The following GNG5 variants were observed in gnomAD, a reference collection of about 807,000 sequenced individuals.
GNG5 encodes guanine nucleotide-binding protein G(I)/G(S)/G(O) subunit gamma-5.
In GNG5, 2 loss-of-function variants were observed where a neutral mutation model predicts 6.2. The observed-to-expected ratio is 0.32, with a 90% CI of 0.13 to 1.01. The LOEUF (loss-of-function observed/expected upper bound fraction) is 1.01, where lower values mean the gene tolerates loss of function less well. Among genes scored for constraint, GNG5 ranks in the 50% least tolerant of loss-of-function variants. The pLI, the probability that GNG5 is intolerant of heterozygous loss-of-function variation, is 0.48. For missense variants in GNG5, 57 were observed against 80.2 expected (o/e 0.71, Z 1.10); for synonymous variants, 24 against 33.0 (o/e 0.73, Z 0.93).
Position 84,506,151 on chromosome 1 carries a change from G to A in GNG5, c.-60C>T, listed in dbSNP as rs1174909951. On this transcript the variant is annotated 5_prime_UTR_variant, in exon 2 of 4. Coordinates refer to ENST00000370645, the MANE Select transcript of GNG5 (RefSeq NM_005274.3). ...GTGGGTCGTGGGCCGTGGGTCGGCG[G>A]GGCCAGACAACTCAGCGGCGCGCGG... 2 of 1,426,438 alleles carry A rather than the reference G, an allele frequency of 1.4e-6. No individual in the cohort carries two copies. Among genetic ancestry groups the A allele is most frequent in the African/African-American group, 1.5e-5 (1 of 67,620 alleles). The allele number at this position is 1,426,438 out of a possible 1,614,324, so 88.4% of individuals were successfully genotyped here. A position where few individuals can be genotyped will look rare whatever the true frequency, so the allele number is the denominator to read the frequency against.
intron 2 of GNG5, among the ~76,000 whole-genome samples, 178 bp from the exon 3 acceptor site, chr1:84,502,148 T>A (rs533748673): frequency 1.4e-5 from 2 of 148,104 alleles, no homozygotes; most frequent in East Asian, 3.9e-4. Flanking sequence ...TTTTTTTTTT[T>A]TTTTTTTGAG....
chr1:84,500,588 G>GA (rs1291643428), intron 3 of GNG5, among the ~76,000 whole-genome samples: 1 of 152,094 alleles, frequency 6.6e-6, no homozygotes, highest in Admixed American at 6.5e-5. Flanking sequence ...AGAATTAAAT[G>GA]AATAGTACCA....
At position 84,506,108 on chromosome 1, in the gene GNG5, G is replaced by A. The variant is rs748173967; in HGVS notation, c.-17C>T. The A allele has an allele frequency of 3.8e-6, 6 of 1,568,932 alleles. No homozygotes were observed. The highest frequency in any genetic ancestry group is 4.3e-6 in the Non-Finnish European group (5 of 1,158,732). On this transcript the variant is annotated 5_prime_UTR_variant, in exon 2 of 4. Transcript: ENST00000370645. ...GCCAGACATGGTGCACGCGACGGCC[G>A]GGCCGATTCGTGGGTCGGTGGGTCG...
chr1:84,505,570 C>A (rs569422957), intron 2 of GNG5, among the ~76,000 whole-genome samples: 76 of 152,316 alleles, frequency 5.0e-4, no homozygotes, highest in Non-Finnish European at 9.7e-4. Flanking sequence ...TGGGAAAGAT[C>A]AAATGGGAGA....
At position 84,506,178 on chromosome 1, in the gene GNG5, G is replaced by T; in HGVS notation, c.-87C>A. The stretch of plus-strand genomic sequence containing the variant: ...GCCAGACAACTCAGCGGCGCGCGGC[G>T]GGGGCGGGGCTCCGAACTTTGTCTC... On this transcript the variant is annotated 5_prime_UTR_variant, in exon 2 of 4. Transcript: ENST00000370645. 9.2e-7 allele frequency: 1 copy of T among 1,088,160 alleles called. No homozygotes were observed. Among genetic ancestry groups the T allele is most frequent in the Non-Finnish European group, 1.3e-6 (1 of 777,908 alleles). 67.4% of individuals were successfully genotyped at this position (1,088,160 alleles called of 1,614,324 possible).
intron 3 of GNG5, among the ~76,000 whole-genome samples, chr1:84,499,544 T>C (rs1682010300): frequency 6.6e-6 from 1 of 152,222 alleles, no homozygotes; most frequent in African/African-American, 2.4e-5. Context: ...TTTTGGAAAC[T>C]TAAATATTCA....
At chr1:84,500,123 A>G (rs189346736) in intron 3 of GNG5, among the ~76,000 whole-genome samples, 1 of 152,332 alleles carries the variant, frequency 6.6e-6, no homozygotes, top group Non-Finnish European at 1.5e-5. Flanking sequence ...CATGCCACTC[A>G]GTGTAGGTCC....
intron 2 of GNG5, 39 bp downstream of exon 2, chr1:84,505,972 G>T: frequency 7.5e-7 from 1 of 1,332,206 alleles, no homozygotes. Context: ...ACCCGCCGCC[G>T]CCGCCTTCCT....
At chr1:84,499,257 CTG>C (rs1558550034) in intron 3 of GNG5, among the ~76,000 whole-genome samples, 2 of 152,082 alleles carry the variant, frequency 1.3e-5, no homozygotes, top group African/African-American at 2.4e-5. Context: ...CTGAGATAGT[CTG>C]TGACAAAAAT....
chr1:84,505,954 C>T (rs1682195856), intron 2 of GNG5, 57 bp downstream of exon 2: 14 of 1,265,674 alleles, frequency 1.1e-5, no homozygotes, highest in Non-Finnish European at 1.5e-5. Flanking sequence ...GCTGGGCCGC[C>T]GGATCCCACC....
chr1:84,506,162 C>G lies in GNG5; in HGVS notation c.-71G>C. Reference sequence around the variant, plus strand: ...GCCGTGGGTCGGCGGGGCCAGACAACTCAGCGGCGCGCGGCGGGGGCGGGG... The same window carrying G: ...GCCGTGGGTCGGCGGGGCCAGACAAGTCAGCGGCGCGCGGCGGGGGCGGGG... On this transcript the variant is annotated 5_prime_UTR_variant, in exon 2 of 4. Coordinates refer to ENST00000370645, the MANE Select transcript of GNG5 (RefSeq NM_005274.3). 7 of 1,283,774 alleles carry G rather than the reference C, an allele frequency of 5.5e-6. No homozygotes were observed. The highest frequency in any genetic ancestry group is 7.5e-6 in the Non-Finnish European group (7 of 937,534). 79.5% of individuals were successfully genotyped at this position (1,283,774 alleles called of 1,614,324 possible).
chr1:84,504,217 T>C (rs1682111456), intron 2 of GNG5, among the ~76,000 whole-genome samples: 1 of 152,244 alleles, frequency 6.6e-6, no homozygotes, highest in African/African-American at 2.4e-5. Context: ...AGCCCAGTCA[T>C]TGATAAAACA....
chr1:84,506,377 TTAAG>T (rs1395264740), intron 1 of GNG5, 55 bp downstream of exon 1: 3 of 294,048 alleles, frequency 1.0e-5, no homozygotes, highest in Non-Finnish European at 1.9e-5. Context: ...GACCCGACTC[TTAAG>T]TTTTCTTTTC....
chr1:84,503,167 G>A (rs2101891964), intron 2 of GNG5, among the ~76,000 whole-genome samples: 1 of 152,300 alleles, frequency 6.6e-6, no homozygotes, highest in South Asian at 2.1e-4. Context: ...ACTAAAACAT[G>A]CCCCAAATGC....
chr1:84,506,375 TCTTAA>T, intron 1 of GNG5, 56 bp downstream of exon 1: 1 of 304,040 alleles, frequency 3.3e-6, no homozygotes, highest in South Asian at 5.6e-5. Flanking sequence ...GCGACCCGAC[TCTTAA>T]GTTTTCTTTT....
At chr1:84,502,132 C>CTTTTTTT (rs140132840) in intron 2 of GNG5, among the ~76,000 whole-genome samples, 162 bp from the exon 3 acceptor site, 9 of 102,086 alleles carry the variant, frequency 8.8e-5, no homozygotes, top group Non-Finnish European at 1.7e-4. Context: ...ATAGTGAGCT[C>CTTTTTTT]TTTTTTTTTT....
At chr1:84,503,371 C>T (rs1445564595) in intron 2 of GNG5, among the ~76,000 whole-genome samples, 3 of 152,212 alleles carry the variant, frequency 2.0e-5, no homozygotes, top group Non-Finnish European at 4.4e-5. Flanking sequence ...AGCTGTACCT[C>T]CAACCTAATA....
At chr1:84,504,193 C>CA (rs772262967) in intron 2 of GNG5, among the ~76,000 whole-genome samples, 5 of 152,234 alleles carry the variant, frequency 3.3e-5, no homozygotes, top group East Asian at 3.9e-4. Flanking sequence ...AAAAATCTCA[C>CA]AAAAAAATCA....
intron 3 of GNG5, among the ~76,000 whole-genome samples, chr1:84,501,444 G>C (rs915102248): frequency 6.6e-6 from 1 of 152,026 alleles, no homozygotes; most frequent in Non-Finnish European, 1.5e-5. Flanking sequence ...CATAAACATT[G>C]CAGATTTTTT....
Sources: allele counts gnomAD v4.1 joint callset (sites outside exome capture counted in the v4.1 genomes callset), GRCh38; gene constraint gnomAD v4.1.1; transcripts MANE v1.5; gene names NCBI Gene and HGNC (gene_info 2026-07-23, HGNC 2026-07-21).